NCKAP5: variants seen among roughly 807,000 people sequenced by gnomAD.
NCKAP5 encodes the protein NCK associated protein 5, also known as nck-associated protein 5.
A neutral mutation model predicts 167.0 loss-of-function variants in NCKAP5; 92 were observed. That is an observed-to-expected ratio of 0.55 (90% CI 0.47 to 0.66). The LOEUF (loss-of-function observed/expected upper bound fraction) is 0.66, where lower values mean the gene tolerates loss of function less well. Among genes scored for constraint, NCKAP5 ranks in the 30% least tolerant of loss-of-function variants. NCKAP5 has a pLI of 0.00. For missense variants in NCKAP5, 2,378 were observed against 2,315.0 expected, an observed-to-expected ratio of 1.03 and a Z score of -0.56; for synonymous variants, 891 against 877.4, an observed-to-expected ratio of 1.02 and a Z score of -0.27.
intron 7 of NCKAP5, among the ~76,000 whole-genome samples, chr2:132,983,242 A>G (rs1393812462): frequency 6.6e-6 from 1 of 152,192 alleles, no homozygotes; most frequent in African/African-American, 2.4e-5. Context: ...ACAGAAGCAT[A>G]TAATCAGTGA....
At chr2:133,430,225 GT>G (rs1391526868) in intron 3 of NCKAP5, among the ~76,000 whole-genome samples, 1 of 151,930 alleles carries the variant, frequency 6.6e-6, no homozygotes, top group Non-Finnish European at 1.5e-5. Context: ...TAATAAATTT[GT>G]TTTTTCTTGT....
intron 3 of NCKAP5, among the ~76,000 whole-genome samples, chr2:133,394,509 A>G (rs1226017963): frequency 6.6e-6 from 1 of 152,210 alleles, no homozygotes; most frequent in Non-Finnish European, 1.5e-5. Context: ...AACGTGGTGC[A>G]CTGTAAGGTT....
chr2:133,049,183 C>T (rs1388642481), intron 6 of NCKAP5, among the ~76,000 whole-genome samples: 1 of 152,148 alleles, frequency 6.6e-6, no homozygotes, highest in Non-Finnish European at 1.5e-5. Flanking sequence ...GCTGCAAAAA[C>T]ACTGAATTGA....
intron 7 of NCKAP5, among the ~76,000 whole-genome samples, chr2:132,989,491 A>G (rs2077390616): frequency 6.6e-6 from 1 of 152,132 alleles, no homozygotes; most frequent in Non-Finnish European, 1.5e-5. Context: ...TAATCTTTTC[A>G]GGTCTTCCCT....
intron 4 of NCKAP5, among the ~76,000 whole-genome samples, chr2:133,251,564 A>G (rs2088335401): frequency 6.6e-6 from 1 of 152,196 alleles, no homozygotes; most frequent in Admixed American, 6.5e-5. Flanking sequence ...TAAAAAAAGC[A>G]TATAAAATCA....
At chr2:133,122,674 A>G (rs2082286213) in intron 6 of NCKAP5, 1 of 152,080 alleles carries the variant, frequency 6.6e-6, no homozygotes, top group South Asian at 2.1e-4. Flanking sequence ...TTCTAATCTC[A>G]ACTTCTCCAG....
chr2:133,444,374 AGAT>A (rs1691053049), intron 3 of NCKAP5, among the ~76,000 whole-genome samples: 1 of 149,894 alleles, frequency 6.7e-6, no homozygotes, highest in Non-Finnish European at 1.5e-5. Context: ...ATAGATAGAT[AGAT>A]AGATAGATAG....
At chr2:133,450,396 G>C (rs1393959767) in intron 3 of NCKAP5, among the ~76,000 whole-genome samples, 1 of 152,162 alleles carries the variant, frequency 6.6e-6, no homozygotes, top group East Asian at 1.9e-4. Flanking sequence ...GTCCAATGCA[G>C]AGGAAGAGGA....
At chr2:133,331,974 C>A (rs1222026102) in intron 3 of NCKAP5, among the ~76,000 whole-genome samples, 1 of 152,186 alleles carries the variant, frequency 6.6e-6, no homozygotes, top group African/African-American at 2.4e-5. Flanking sequence ...AATTACAATT[C>A]TTCCTCTTCC....
intron 5 of NCKAP5, among the ~76,000 whole-genome samples, chr2:133,188,360 C>T (rs1340186467): frequency 1.3e-5 from 2 of 152,046 alleles, no homozygotes; most frequent in African/African-American, 4.8e-5. Flanking sequence ...CCACTGTTAA[C>T]ATTAGACAGA....
intron 5 of NCKAP5, among the ~76,000 whole-genome samples, chr2:133,175,055 A>C (rs2150006750): frequency 6.6e-6 from 1 of 152,278 alleles, no homozygotes; most frequent in Non-Finnish European, 1.5e-5. Context: ...TTTAGTTTTC[A>C]CCAGTCTGAT....
intron 16 of NCKAP5, among the ~76,000 whole-genome samples, chr2:132,761,985 A>G (rs1288843969): frequency 6.6e-6 from 1 of 152,134 alleles, no homozygotes; most frequent in Non-Finnish European, 1.5e-5. Flanking sequence ...TCCAAGAAAC[A>G]TCTGGTCATC....
chr2:133,576,435 T>G, the NCKAP5 span, among the ~76,000 whole-genome samples: 1 of 152,260 alleles, frequency 6.6e-6, no homozygotes, highest in Admixed American at 6.5e-5. Context: ...TTATTTATTA[T>G]TGAATGTGCT....
intron 3 of NCKAP5, among the ~76,000 whole-genome samples, chr2:133,325,976 G>A (rs1187812746): frequency 6.6e-6 from 1 of 152,190 alleles, no homozygotes; most frequent in Non-Finnish European, 1.5e-5. Context: ...TGGTAAAGCT[G>A]AAACTACCCA....
At chr2:133,575,786 T>C in the NCKAP5 span, among the ~76,000 whole-genome samples, 1 of 152,224 alleles carries the variant, frequency 6.6e-6, no homozygotes, top group African/African-American at 2.4e-5. Flanking sequence ...CTGGATGAAC[T>C]GAATTAAAGT....
At chr2:132,932,597 CAGT>C (rs1156712694) in intron 8 of NCKAP5, among the ~76,000 whole-genome samples, 2 of 152,174 alleles carry the variant, frequency 1.3e-5, no homozygotes, top group African/African-American at 2.4e-5. Context: ...GACAACTGCT[CAGT>C]AGAAGGCAGA....
chr2:133,570,700 G>C (rs747982198), upstream of NCKAP5, among the ~76,000 whole-genome samples: 1 of 152,138 alleles, frequency 6.6e-6, no homozygotes, highest in Non-Finnish European at 1.5e-5. Flanking sequence ...AGTGTGAGCC[G>C]CTTCGGTTCA....
intron 3 of NCKAP5, among the ~76,000 whole-genome samples, chr2:133,438,459 A>C (rs1690634239): frequency 6.6e-6 from 1 of 152,230 alleles, no homozygotes; most frequent in South Asian, 2.1e-4. Context: ...AAAACTTGAG[A>C]GGATAAATAA....
At chr2:133,191,792 A>AT (rs1215039742) in intron 5 of NCKAP5, among the ~76,000 whole-genome samples, 1 of 152,084 alleles carries the variant, frequency 6.6e-6, no homozygotes, top group Non-Finnish European at 1.5e-5. Context: ...GCAGGGAGGG[A>AT]TAGCATTAGG....
Sources: gnomAD v4.1 joint callset for allele counts (sites outside exome capture counted in the v4.1 genomes callset) on GRCh38, gnomAD v4.1.1 for gene constraint, MANE v1.5 for transcripts, NCBI Gene and HGNC (gene_info 2026-07-23, HGNC 2026-07-21) for gene names.